Variants in TBXAS1 observed in about 807,000 individuals in gnomAD.
TBXAS1 encodes the protein thromboxane-A synthase.
In TBXAS1, 48 loss-of-function variants were observed where a neutral mutation model predicts 60.7. That is an observed-to-expected ratio of 0.79 (90% confidence interval 0.63 to 1.01). The LOEUF (loss-of-function observed/expected upper bound fraction) is 1.01, where lower values mean the gene tolerates loss of function less well. Ranked by LOEUF, TBXAS1 falls within the 50% of genes least tolerant of loss-of-function variation. The pLI, the probability that TBXAS1 is intolerant of heterozygous loss-of-function variation, is 0.00. For missense variants in TBXAS1, 685 were observed against 686.3 expected (o/e 1.00, Z 0.02); for synonymous variants, 287 against 269.7 (o/e 1.06, Z -0.63).
At chr7:139,928,841 TA>T (rs35169532) in intron 4 of TBXAS1, among the ~76,000 whole-genome samples, 2 of 152,228 alleles carry the variant, frequency 1.3e-5, no homozygotes, top group South Asian at 4.1e-4. Context: ...ATCACTTTTT[TA>T]AAAAATCTTT....
intron 9 of TBXAS1, chr7:139,962,844 T>C (rs41725): frequency 0.99 from 153,373 of 154,832 alleles, 75,978 homozygotes; most frequent in African/African-American, 1. Context: ...TCATTTTTTC[T>C]TCTAGATGCT....
In TBXAS1 at chr7:140,013,451, A is replaced by G. The variant is rs1478295719; in HGVS notation, c.1227-2272A>G. ...TTCCCAGGGTCACCTGCTGGGCCAT[A>G]ATCAACAAGGTACAAGCTTAAGAGA... On this transcript the variant is annotated intron_variant, in intron 10 of 12. Transcript: ENST00000448866. This position sits in a 1 kb window ranked among gnomAD's most constrained non-coding sequence, Gnocchi z 4.2. 6.6e-6 allele frequency among the ~76,000 whole-genome samples: 1 copy of G among 152,146 alleles called. No homozygotes were observed. Among genetic ancestry groups the G allele is most frequent in the African/African-American group, 2.4e-5 (1 of 41,436 alleles).
At chr7:139,951,241 T>C (rs1167590479) in intron 5 of TBXAS1, among the ~76,000 whole-genome samples, 1 of 152,138 alleles carries the variant, frequency 6.6e-6, no homozygotes, top group Non-Finnish European at 1.5e-5. Flanking sequence ...AACCTCAATA[T>C]TTGCCTGCAC....
intron 9 of TBXAS1, among the ~76,000 whole-genome samples, chr7:139,992,920 C>T (rs1813026819): frequency 6.6e-6 from 1 of 152,132 alleles, no homozygotes; most frequent in Admixed American, 6.5e-5. Context: ...CCTATAATAC[C>T]AGCACTTTGG....
intron 9 of TBXAS1, among the ~76,000 whole-genome samples, chr7:139,972,114 A>C (rs992656066): frequency 6.6e-6 from 1 of 152,102 alleles, no homozygotes; most frequent in African/African-American, 2.4e-5. Flanking sequence ...ACACTCCAGC[A>C]CTTTGAATTT....
intron 4 of TBXAS1, among the ~76,000 whole-genome samples, chr7:139,818,317 A>C (rs1249900726): frequency 6.6e-6 from 1 of 152,190 alleles, no homozygotes; most frequent in African/African-American, 2.4e-5. Context: ...GGTACAAGTC[A>C]GACTGGGGTT....
chr7:139,976,997 AAAACAAAC>A (rs374222628), intron 9 of TBXAS1, among the ~76,000 whole-genome samples: 1 of 152,146 alleles, frequency 6.6e-6, no homozygotes, highest in Non-Finnish European at 1.5e-5. Context: ...ACAAACATAC[AAAACAAAC>A]AAACAAACAA....
chr7:139,918,865 C>T (rs1234204492), intron 4 of TBXAS1, among the ~76,000 whole-genome samples: 7 of 152,042 alleles, frequency 4.6e-5, no homozygotes, highest in African/African-American at 9.7e-5. Flanking sequence ...ACAGAGAGAG[C>T]GAAGATGATG....
chr7:139,812,338 A>C (rs1475679793), intron 4 of TBXAS1, among the ~76,000 whole-genome samples: 1 of 152,224 alleles, frequency 6.6e-6, no homozygotes, highest in Non-Finnish European at 1.5e-5. Context: ...CAGATGAAGA[A>C]ACAAACACTC....
intron 4 of TBXAS1, among the ~76,000 whole-genome samples, chr7:139,790,773 C>T (rs1336369075): frequency 6.6e-6 from 1 of 152,166 alleles, no homozygotes; most frequent in African/African-American, 2.4e-5. Flanking sequence ...TAATAAGTGA[C>T]TGCATGATTG....
chr7:139,999,762 C>A lies in TBXAS1; in HGVS notation c.1135-7329C>A, dbSNP rs1035064849. On this transcript the variant is annotated intron_variant, in intron 9 of 12. Transcript: ENST00000448866. This position sits in a 1 kb window ranked among gnomAD's most constrained non-coding sequence, Gnocchi z 4.3. ...GCAAGGGCCAGCATCACTTGGCCTA[C>A]TTCTTAGTATAAGACCAAGTCTAGT... 6.6e-6 allele frequency among the ~76,000 whole-genome samples: 1 copy of A among 152,204 alleles called. No homozygotes were observed. The highest frequency in any genetic ancestry group is 1.5e-5 in the Non-Finnish European group (1 of 68,038).
At chr7:139,934,435 G>A (rs796421568) in intron 4 of TBXAS1, among the ~76,000 whole-genome samples, 12 of 151,972 alleles carry the variant, frequency 7.9e-5, no homozygotes, top group African/African-American at 1.9e-4. Context: ...TGATCCACCC[G>A]CCTCAGCCTC....
At chr7:139,891,627 C>T (rs1803629699) in intron 3 of TBXAS1, among the ~76,000 whole-genome samples, 1 of 152,298 alleles carries the variant, frequency 6.6e-6, no homozygotes, top group Non-Finnish European at 1.5e-5. Context: ...GGTTGACCTG[C>T]TTTCCTGGTA....
At chr7:139,804,968 A>AT (rs1212742373) in intron 4 of TBXAS1, among the ~76,000 whole-genome samples, 1 of 152,240 alleles carries the variant, frequency 6.6e-6, no homozygotes, top group East Asian at 1.9e-4. Context: ...TTGACTATGC[A>AT]TTCCCCCAAA....
intron 3 of TBXAS1, among the ~76,000 whole-genome samples, chr7:139,910,973 T>C (rs528826698): frequency 6.6e-6 from 1 of 152,188 alleles, no homozygotes; most frequent in African/African-American, 2.4e-5. Flanking sequence ...GCAGGGAGTG[T>C]ATCTTATTCA....
intron 4 of TBXAS1, among the ~76,000 whole-genome samples, chr7:139,801,987 C>G (rs954811017): frequency 7.9e-5 from 12 of 152,198 alleles, no homozygotes; most frequent in Non-Finnish European, 1.6e-4. Context: ...TGGTCTCAAA[C>G]TCCTGACCTC....
At chr7:139,791,572 T>A (rs951481098) in intron 4 of TBXAS1, among the ~76,000 whole-genome samples, 5 of 152,206 alleles carry the variant, frequency 3.3e-5, no homozygotes, top group African/African-American at 1.2e-4. Flanking sequence ...AGGGGAAGTG[T>A]CCGTGATATA....
chr7:139,915,170 A>C (rs960947009), intron 4 of TBXAS1, among the ~76,000 whole-genome samples: 1 of 152,172 alleles, frequency 6.6e-6, no homozygotes, highest in African/African-American at 2.4e-5. Flanking sequence ...TTAGTGACTC[A>C]ATTTTTTAAA....
chr7:140,004,763 A>C lies in TBXAS1; in HGVS notation c.1135-2328A>C, dbSNP rs11761051. On this transcript the variant is annotated intron_variant, in intron 9 of 12. Coordinates refer to ENST00000448866, the MANE Select transcript of TBXAS1 (RefSeq NM_001061.7). This position sits in a 1 kb window ranked among gnomAD's most constrained non-coding sequence, Gnocchi z 5.1. Reference sequence around the variant, plus strand: ...ACAGCCTTCCCCAGCCAGCCACAGCAGACTAACCTCCAAGGATCTCTAAAC... The same window carrying C: ...ACAGCCTTCCCCAGCCAGCCACAGCCGACTAACCTCCAAGGATCTCTAAAC... Among the ~76,000 whole-genome samples the C allele has an allele frequency of 0.25, 38,507 of 152,074 alleles. 5,003 individuals carry two copies. Among genetic ancestry groups the C allele is most frequent in the East Asian group, 0.37 (1,933 of 5,158 alleles).
Sources: gnomAD v4.1 joint callset for allele counts (sites outside exome capture counted in the v4.1 genomes callset) on GRCh38, gnomAD v4.1.1 for gene constraint, Gnocchi (gnomAD v3.1) non-coding constraint, MANE v1.5 for transcripts, NCBI Gene and HGNC (gene_info 2026-07-23, HGNC 2026-07-21) for gene names.